Variants in FOXJ3 observed in about 807,000 individuals in gnomAD.
FOXJ3 encodes forkhead box protein J3.
In FOXJ3, 22 loss-of-function variants were observed where a neutral mutation model predicts 76.1. The observed-to-expected ratio is 0.29, with a 90% confidence interval of 0.21 to 0.41. The LOEUF is 0.41. FOXJ3 is among the 10% of genes least tolerant of loss of function. The probability of loss-of-function intolerance (pLI) is 1.00; values close to 1 mark genes in which losing one functional copy is unlikely to be tolerated. For synonymous variants in FOXJ3, 269 were observed against 261.2 expected, an observed-to-expected ratio of 1.03 and a Z score of -0.29; for missense variants, 613 against 762.1, an observed-to-expected ratio of 0.80 and a Z score of 2.30.
intron 2 of FOXJ3, among the ~76,000 whole-genome samples, chr1:42,297,369 C>CA (rs1157492044): frequency 6.6e-6 from 1 of 152,158 alleles, no homozygotes; most frequent in East Asian, 1.9e-4. Context: ...AGAATGTTTT[C>CA]AACTTCTCCC....
chr1:42,299,446 T>C (rs1190782550), intron 2 of FOXJ3, among the ~76,000 whole-genome samples: 1 of 152,116 alleles, frequency 6.6e-6, no homozygotes, highest in African/African-American at 2.4e-5. Context: ...TGTTTTCCAT[T>C]TGCATGATAA....
intron 5 of FOXJ3, among the ~76,000 whole-genome samples, chr1:42,207,281 G>C (rs929505870): frequency 6.6e-6 from 1 of 152,022 alleles, no homozygotes; most frequent in African/African-American, 2.4e-5. Flanking sequence ...GTGAGAATAC[G>C]CAATATTTGT....
At chr1:42,208,410 C>T (rs1646900872) in intron 5 of FOXJ3, among the ~76,000 whole-genome samples, 1 of 152,084 alleles carries the variant, frequency 6.6e-6, no homozygotes, top group African/African-American at 2.4e-5. Context: ...TGTGATTCAC[C>T]ATATTAAGAG....
chr1:42,244,009 C>G lies in FOXJ3; in HGVS notation c.445-16043G>C, dbSNP rs935331195. 7.2e-5 allele frequency among the ~76,000 whole-genome samples: 11 copies of G among 152,124 alleles called. No homozygotes were observed. The East Asian group carries it at 2.1e-3, about 29-fold the overall frequency. ...ATGGACTAAAACTAGAAAGCAACAA[C>G]AAGAGGAACTTTGGAAACTCTACAA... On this transcript the variant is annotated intron_variant, in intron 4 of 12. Transcript: ENST00000361346.
At chr1:42,193,459 CATT>C (rs1228821973) in intron 8 of FOXJ3, among the ~76,000 whole-genome samples, 1 of 149,184 alleles carries the variant, frequency 6.7e-6, no homozygotes, top group Non-Finnish European at 1.5e-5. Flanking sequence ...AAATTGTCAT[CATT>C]GTTATTTCAA....
rs1222507200 is a variant in FOXJ3, at chr1:42,324,385, TATAA to T, written c.-18+10670_-18+10673del. Among the ~76,000 whole-genome samples the T allele has an allele frequency of 2.7e-5, 4 of 147,176 alleles. 1 individual carries two copies. The highest frequency in any genetic ancestry group is 4.5e-5 in the Non-Finnish European group (3 of 67,106). ...TATACTATATATACTATATATAACA[TATAA>T]ATACTATATATACTATATATAACAT... On this transcript the variant is annotated intron_variant, in intron 1 of 12. Transcript: ENST00000361346.
chr1:42,245,166 CAAAAA>C (rs4019583), intron 4 of FOXJ3, among the ~76,000 whole-genome samples: 8 of 122,382 alleles, frequency 6.5e-5, no homozygotes, highest in Non-Finnish European at 1.0e-4. Flanking sequence ...AGACTCGTCT[CAAAAA>C]AAAAAAAAAA....
At chr1:42,261,987 C>T (rs16829257) in intron 4 of FOXJ3, among the ~76,000 whole-genome samples, 67,860 of 152,054 alleles carry the variant, frequency 0.45, 17,425 homozygotes, top group Non-Finnish European at 0.56. Context: ...CTGTGCTTTG[C>T]TTGTTCAACA....
intron 11 of FOXJ3, among the ~76,000 whole-genome samples, chr1:42,187,596 T>C (rs1471742053): frequency 6.6e-6 from 1 of 151,940 alleles, no homozygotes; most frequent in Non-Finnish European, 1.5e-5. Context: ...GGCACATAAG[T>C]GAGGATACCT....
intron 5 of FOXJ3, among the ~76,000 whole-genome samples, chr1:42,218,981 G>A (rs958877319): frequency 1.3e-5 from 2 of 152,098 alleles, no homozygotes; most frequent in Non-Finnish European, 2.9e-5. Context: ...TTTATATAAA[G>A]AAACTACAGC....
At chr1:42,317,279 C>T (rs1655171785) in intron 1 of FOXJ3, among the ~76,000 whole-genome samples, 1 of 151,890 alleles carries the variant, frequency 6.6e-6, no homozygotes, top group Non-Finnish European at 1.5e-5. Flanking sequence ...AATCTGTATC[C>T]TAATCAACCC....
intron 4 of FOXJ3, among the ~76,000 whole-genome samples, chr1:42,248,534 CAA>C (rs4019586): frequency 7.4e-6 from 1 of 136,014 alleles, no homozygotes; most frequent in African/African-American, 2.9e-5. Flanking sequence ...ACTGCGTCTC[CAA>C]AAAAAAAAAA....
intron 1 of FOXJ3, among the ~76,000 whole-genome samples, chr1:42,316,252 T>G (rs578014731): frequency 2.8e-4 from 43 of 151,270 alleles, no homozygotes; most frequent in African/African-American, 9.9e-4. Context: ...CACTGCAGCC[T>G]CGAACTTCTG....
intron 2 of FOXJ3, among the ~76,000 whole-genome samples, chr1:42,305,692 T>TC (rs1168369919): frequency 2.6e-5 from 4 of 152,100 alleles, no homozygotes; most frequent in Non-Finnish European, 5.9e-5. Context: ...AGTAGAAGGA[T>TC]CGTTGGTTAC....
intron 2 of FOXJ3, among the ~76,000 whole-genome samples, chr1:42,291,946 C>T (rs1234891006): frequency 6.6e-5 from 10 of 151,980 alleles, no homozygotes; most frequent in Admixed American, 1.3e-4. Context: ...GGGCAGGAGC[C>T]GGATGGGGCC....
intron 2 of FOXJ3, among the ~76,000 whole-genome samples, chr1:42,301,000 G>A (rs770240073): frequency 3.3e-5 from 5 of 152,036 alleles, no homozygotes; most frequent in Non-Finnish European, 7.4e-5. Flanking sequence ...CTTAGATGAG[G>A]TTCTTCTTGC....
At chr1:42,324,239 C>CTATATAT (rs1655681065) in intron 1 of FOXJ3, among the ~76,000 whole-genome samples, 3 of 16,256 alleles carry the variant, frequency 1.8e-4, no homozygotes, top group East Asian at 2.8e-3. Flanking sequence ...AATATATACA[C>CTATATAT]ACTATATATA....
At chr1:42,232,832 T>C (rs148750783) in intron 4 of FOXJ3, among the ~76,000 whole-genome samples, 1,976 of 152,294 alleles carry the variant, frequency 0.013, 44 homozygotes, top group African/African-American at 0.041. Flanking sequence ...GCTTTTGTTG[T>C]CATTGCTTTT....
intron 4 of FOXJ3, among the ~76,000 whole-genome samples, chr1:42,256,466 T>C (rs752955438): frequency 6.6e-6 from 1 of 152,150 alleles, no homozygotes; most frequent in Non-Finnish European, 1.5e-5. Context: ...AGGAAGCACA[T>C]GAAAAGATGC....
Sources: gnomAD v4.1 joint callset for allele counts (sites outside exome capture counted in the v4.1 genomes callset) on GRCh38, gnomAD v4.1.1 for gene constraint, MANE v1.5 for transcripts, NCBI Gene and HGNC (gene_info 2026-07-23, HGNC 2026-07-21) for gene names.